Variants in SRGAP3 observed in about 807,000 individuals in gnomAD.
SRGAP3 encodes the protein SLIT-ROBO Rho GTPase activating protein 3.
Under a neutral mutation model 121.1 loss-of-function variants are expected in SRGAP3, and 39 were observed. The observed-to-expected ratio is 0.32, with a 90% CI of 0.25 to 0.42. SRGAP3 has a LOEUF of 0.42. Ranked by LOEUF, SRGAP3 falls within the 10% of genes least tolerant of loss-of-function variation. The pLI is 1.00. For missense variants in SRGAP3, 1,213 were observed against 1,470.6 expected, an observed-to-expected ratio of 0.82 and a Z score of 2.86; for synonymous variants, 601 against 570.0, an observed-to-expected ratio of 1.05 and a Z score of -0.77.
chr3:9,119,813 C>T (rs1218333058), intron 2 of SRGAP3, among the ~76,000 whole-genome samples: 1 of 152,214 alleles, frequency 6.6e-6, no homozygotes, highest in African/African-American at 2.4e-5. Context: ...CCCAGCAGGG[C>T]CCGGCCTACT....
chr3:9,071,282 T>C lies in SRGAP3; in HGVS notation c.487-6701A>G, dbSNP rs551061957. ...CTTTGGGAATAGCCCCCTAATTTTA[T>C]TTTGAGGAAATCCCCCAAATTCCCC... On this transcript the variant is annotated intron_variant, in intron 4 of 21. Transcript: ENST00000383836. Among the ~76,000 whole-genome samples, 6 of 152,266 alleles carry C rather than the reference T, an allele frequency of 3.9e-5. 1 individual carries two copies. The South Asian group carries it at 1.2e-3, about 32-fold the overall frequency.
At chr3:9,224,392 G>A (rs62244901) in intron 1 of SRGAP3, among the ~76,000 whole-genome samples, 3,583 of 152,270 alleles carry the variant, frequency 0.024, 66 homozygotes, top group Middle Eastern at 0.068. Context: ...GGAACACCAC[G>A]CACCCCTCCT....
intron 2 of SRGAP3, among the ~76,000 whole-genome samples, chr3:9,118,531 C>G (rs1025786524): frequency 6.6e-6 from 1 of 152,146 alleles, no homozygotes; most frequent in East Asian, 1.9e-4. Context: ...TTGGAGAGGG[C>G]AGTGGATTAT....
At chr3:9,133,908 G>A (rs1195219577) in intron 1 of SRGAP3, among the ~76,000 whole-genome samples, 1 of 152,200 alleles carries the variant, frequency 6.6e-6, no homozygotes, top group Non-Finnish European at 1.5e-5. Flanking sequence ...AATAAGACTG[G>A]CCTTGAGTTA....
chr3:9,056,676 C>A (rs1945837627), intron 7 of SRGAP3, among the ~76,000 whole-genome samples: 1 of 152,134 alleles, frequency 6.6e-6, no homozygotes, highest in African/African-American at 2.4e-5. Context: ...GAAATTGTGG[C>A]AAGAAAGCAA....
intron 14 of SRGAP3, chr3:9,016,069 A>G (rs1283169479): frequency 2.0e-5 from 7 of 351,304 alleles, no homozygotes; most frequent in Non-Finnish European, 3.8e-5. Context: ...ACATCAAAAC[A>G]CACCACCGCT....
At chr3:9,211,905 G>C (rs1444777940) in intron 1 of SRGAP3, among the ~76,000 whole-genome samples, 1 of 151,748 alleles carries the variant, frequency 6.6e-6, no homozygotes, top group Non-Finnish European at 1.5e-5. Flanking sequence ...CAAACTCCTG[G>C]CCTCAAGTGA....
At chr3:9,169,468 G>T (rs1321042546) in intron 1 of SRGAP3, among the ~76,000 whole-genome samples, 3 of 152,192 alleles carry the variant, frequency 2.0e-5, no homozygotes, top group African/African-American at 7.2e-5. Flanking sequence ...ACTATTCAAG[G>T]CTTTGAGAAC....
At chr3:8,999,185 T>C (rs1274895134) in intron 18 of SRGAP3, among the ~76,000 whole-genome samples, 1 of 152,152 alleles carries the variant, frequency 6.6e-6, no homozygotes, top group Non-Finnish European at 1.5e-5. Context: ...GTTGAGACTG[T>C]CTCAGTAGGG....
At chr3:9,295,754 TC>T (rs1445421347) in intron 3 of SRGAP3, among the ~76,000 whole-genome samples, 1 of 152,134 alleles carries the variant, frequency 6.6e-6, no homozygotes, top group African/African-American at 2.4e-5. Flanking sequence ...ATGGAGATTT[TC>T]ATCATCCCAA....
At chr3:9,103,219 A>G (rs1431743586) in intron 3 of SRGAP3, among the ~76,000 whole-genome samples, 1 of 152,248 alleles carries the variant, frequency 6.6e-6, no homozygotes, top group African/African-American at 2.4e-5. Flanking sequence ...AGAGATGATT[A>G]TATTTTCAAT....
At chr3:9,020,940 G>A (rs561003679) in intron 14 of SRGAP3, among the ~76,000 whole-genome samples, 56 of 152,346 alleles carry the variant, frequency 3.7e-4, no homozygotes, top group Non-Finnish European at 6.9e-4. Flanking sequence ...TCACCTGGGC[G>A]TTGCCAAAGG....
chr3:9,178,046 T>C (rs1318869180), intron 1 of SRGAP3, among the ~76,000 whole-genome samples: 8 of 152,182 alleles, frequency 5.3e-5, no homozygotes, highest in Admixed American at 2.6e-4. Context: ...GATGGGCAGA[T>C]TGCTTGAGCC....
At chr3:9,267,120 A>C (rs1373393243) in intron 3 of SRGAP3, among the ~76,000 whole-genome samples, 1 of 152,220 alleles carries the variant, frequency 6.6e-6, no homozygotes, top group Non-Finnish European at 1.5e-5. Flanking sequence ...ATAATTCAGA[A>C]CAGACATTCA....
At chr3:9,254,917 GA>G (rs1387841396) in intron 3 of SRGAP3, among the ~76,000 whole-genome samples, 5 of 142,544 alleles carry the variant, frequency 3.5e-5, no homozygotes, top group East Asian at 4.1e-4. Context: ...GAAGGGAGGG[GA>G]AAGAGAGAGA....
chr3:9,248,039 C>T (rs570622395), intron 1 of SRGAP3, among the ~76,000 whole-genome samples: 2 of 152,338 alleles, frequency 1.3e-5, no homozygotes, highest in Admixed American at 6.5e-5. Flanking sequence ...ATTTAGGGAG[C>T]GGCTTCTGAA....
chr3:9,292,269 G>C (rs944755931), intron 3 of SRGAP3, among the ~76,000 whole-genome samples: 1 of 152,170 alleles, frequency 6.6e-6, no homozygotes, highest in African/African-American at 2.4e-5. Flanking sequence ...AGTAGGCAAA[G>C]CCCAAGAATT....
intron 1 of SRGAP3, among the ~76,000 whole-genome samples, chr3:9,189,793 G>A (rs147989880): frequency 1.2e-3 from 189 of 152,248 alleles, no homozygotes; most frequent in African/African-American, 4.2e-3. Flanking sequence ...CCAAATTAAG[G>A]CCTTAAAGGA....
At chr3:9,234,692 A>G (rs999953205) in intron 1 of SRGAP3, among the ~76,000 whole-genome samples, 3 of 152,226 alleles carry the variant, frequency 2.0e-5, no homozygotes, top group African/African-American at 7.2e-5. Flanking sequence ...TGCTCTCACC[A>G]GCAATCGGAA....
Sources: gnomAD v4.1 joint callset for allele counts (sites outside exome capture counted in the v4.1 genomes callset) on GRCh38, gnomAD v4.1.1 for gene constraint, MANE v1.5 for transcripts, NCBI Gene and HGNC (gene_info 2026-07-23, HGNC 2026-07-21) for gene names.